MROH1: variants seen among roughly 807,000 people sequenced by gnomAD.
MROH1 encodes maestro heat like repeat family member 1.
A neutral mutation model predicts 116.5 loss-of-function variants in MROH1; 117 were observed. The ratio of observed to expected loss-of-function variants is 1.00; its 90% CI spans 0.86 to 1.17. MROH1 has a LOEUF of 1.17. Ranked by LOEUF, MROH1 falls within the 50% of genes most tolerant of loss-of-function variation. The pLI, the probability that MROH1 is intolerant of heterozygous loss-of-function variation, is 0.00. For missense variants in MROH1, 1,873 were observed against 1,338.5 expected (o/e 1.40, Z -6.23); for synonymous variants, 921 against 583.9 (o/e 1.58, Z -8.32).
chr8:144,243,700 G>C, intron 25 of MROH1, 84 bp downstream of exon 25: 1 of 770,592 alleles, frequency 1.3e-6, no homozygotes, highest in Non-Finnish European at 2.4e-6. Context: ...CACTGAGGGT[G>C]ATAATGTGAA....
intron 14 of MROH1, among the ~76,000 whole-genome samples, chr8:144,232,258 G>A (rs181101864): frequency 8.0e-4 from 121 of 152,156 alleles, no homozygotes; most frequent in Middle Eastern, 6.8e-3. Context: ...TCCATGAGAG[G>A]CACTGTTTTT....
At chr8:144,237,803 G>A (rs1274243942) in intron 14 of MROH1, among the ~76,000 whole-genome samples, 11 of 152,224 alleles carry the variant, frequency 7.2e-5, no homozygotes, top group African/African-American at 4.8e-5. Flanking sequence ...TCCCTGTTGC[G>A]GTACTTTTGG....
Position 144,182,912 on chromosome 8 carries a change from A to C in MROH1, c.562+2389A>C, listed in dbSNP as rs532711135. On this transcript the variant is annotated intron_variant, in intron 7 of 43. Coordinates refer to ENST00000326134, the MANE Select transcript of MROH1 (RefSeq NM_032450.3). This position sits in a 1 kb window ranked among gnomAD's most constrained non-coding sequence, Gnocchi z 4.1. ...GCCAACATGGCAAAACCCCGTCTCT[A>C]CTAAAAATACAAAAAAATTAGCCGG... Among the ~76,000 whole-genome samples, 12 of 152,316 alleles carry C rather than the reference A, an allele frequency of 7.9e-5. 2 individuals are homozygous for C. The highest frequency in any genetic ancestry group is 2.9e-4 in the African/African-American group (12 of 41,584).
At chr8:144,205,124 A>T (rs1276442173) in intron 12 of MROH1, among the ~76,000 whole-genome samples, 1 of 152,192 alleles carries the variant, frequency 6.6e-6, no homozygotes, top group African/African-American at 2.4e-5. Context: ...TCCTGGGCTC[A>T]AGCAATCCTC....
rs78309270 is a variant in MROH1, at chr8:144,161,949, C to G, written c.-57+860C>G. Among the ~76,000 whole-genome samples, 86 of 152,308 alleles carry G rather than the reference C, an allele frequency of 5.6e-4. 1 individual carries two copies. Among genetic ancestry groups the G allele is most frequent in the East Asian group, 2.3e-3 (12 of 5,188 alleles). On this transcript the variant is annotated intron_variant, in intron 2 of 43. Transcript: ENST00000326134. ...TTGTGATGCTCCACGTCAGGCGTGC[C>G]CTTGTCTCTGGGAAGTATGTGCTGT...
At chr8:144,259,890 T>C (rs1350553737) in intron 37 of MROH1, 21 bp from the exon 38 acceptor site, 18 of 727,656 alleles carry the variant, frequency 2.5e-5, no homozygotes, top group Non-Finnish European at 3.8e-5. Flanking sequence ...GAGAGGGAAG[T>C]CACAGCACCT....
Position 144,180,375 on chromosome 8 carries a change from G to A in MROH1, c.463+35G>A, listed in dbSNP as rs6981035. ...GCGCGGCCTGCCCCAGGAGGAGCAC[G>A]GGGCGCTGGAAGCCTTGGCGGAGGC... On this transcript the variant is annotated intron_variant, in intron 6 of 43. Transcript: ENST00000326134. The surrounding 1 kb of genome is among the most constrained non-coding windows in gnomAD (Gnocchi z 7.4). 75 of 1,609,152 alleles carry A rather than the reference G, an allele frequency of 4.7e-5. No individual in the cohort carries two copies. Among genetic ancestry groups the A allele is most frequent in the African/African-American group, 4.0e-4 (30 of 74,946 alleles).
chr8:144,195,218 A>AAAAAAAAAAAAAAAAAAC (rs1829571783), intron 10 of MROH1, among the ~76,000 whole-genome samples: 1 of 141,976 alleles, frequency 7.0e-6, no homozygotes, highest in Admixed American at 7.2e-5. Flanking sequence ...AAAAAAAAAA[A>AAAAAAAAAAAAAAAAAAC]AGGCCGAGTG....
intron 3 of MROH1, among the ~76,000 whole-genome samples, chr8:144,168,021 A>T (rs1267212729): frequency 6.6e-6 from 1 of 152,104 alleles, no homozygotes; most frequent in Non-Finnish European, 1.5e-5. Context: ...CTCAACCCTG[A>T]TGGGCTAAAT....
At chr8:144,184,039 C>T (rs571299523) in intron 7 of MROH1, among the ~76,000 whole-genome samples, 1 of 152,286 alleles carries the variant, frequency 6.6e-6, no homozygotes, top group Admixed American at 6.5e-5. Context: ...GAGGAACCTT[C>T]CACTGTGCAC....
At chr8:144,215,008 G>A (rs1032828362) in intron 12 of MROH1, among the ~76,000 whole-genome samples, 11 of 152,080 alleles carry the variant, frequency 7.2e-5, no homozygotes, top group African/African-American at 2.4e-4. Context: ...TCTTCTTCCC[G>A]CATTTATTCT....
intron 9 of MROH1, 123 bp from the exon 10 acceptor site, chr8:144,192,185 AG>A: frequency 3.8e-6 from 3 of 798,726 alleles, no homozygotes; most frequent in Non-Finnish European, 5.8e-6. Context: ...TTGAGCCCCA[AG>A]GTGGGGCCCA....
intron 12 of MROH1, among the ~76,000 whole-genome samples, chr8:144,210,895 ACATTCT>A (rs536695400): frequency 1.3e-3 from 202 of 152,262 alleles, no homozygotes; most frequent in African/African-American, 4.2e-3. Flanking sequence ...AGTGTTAAGT[ACATTCT>A]CATTGTCAGG....
At chr8:144,204,139 C>T (rs1832321953) in intron 12 of MROH1, among the ~76,000 whole-genome samples, 1 of 152,182 alleles carries the variant, frequency 6.6e-6, no homozygotes, top group African/African-American at 2.4e-5. Context: ...GAGACAGGGT[C>T]TCGTTCTTTC....
intron 2 of MROH1, among the ~76,000 whole-genome samples, chr8:144,162,031 A>T (rs1344080506): frequency 2.6e-5 from 4 of 151,356 alleles, no homozygotes; most frequent in Admixed American, 1.3e-4. Context: ...TTCAGCTCTT[A>T]ACTCTTCCAC....
intron 33 of MROH1, chr8:144,250,630 T>C: frequency 1.8e-6 from 1 of 554,134 alleles, no homozygotes. Flanking sequence ...AGCTGCTGTT[T>C]CTGCCTTCCT....
At chr8:144,160,141 G>T (rs1227170800) in intron 1 of MROH1, among the ~76,000 whole-genome samples, 1 of 152,200 alleles carries the variant, frequency 6.6e-6, no homozygotes, top group Non-Finnish European at 1.5e-5. Context: ...TTGTGTTTCT[G>T]TTAGTATTCA....
In MROH1 at chr8:144,223,347, G is replaced by A. The variant is rs937981529; in HGVS notation, c.1338+117G>A. ...GGTGGATATGTGGGCTGCAGTCTGC[G>A]TGCGGAGGTGCCCTCTGCTGTCTTT... is the stretch of plus-strand genomic sequence containing the variant. On this transcript the variant is annotated intron_variant, in intron 14 of 43. Transcript: ENST00000326134. The A allele has an allele frequency of 2.9e-5, 38 of 1,309,298 alleles. 1 individual carries two copies. The highest frequency in any genetic ancestry group is 2.6e-4 in the Middle Eastern group (1 of 3,776). The allele number at this position is 1,309,298 out of a possible 1,614,324, so 81.1% of individuals were successfully genotyped here. A position where few individuals can be genotyped will look rare whatever the true frequency, so the allele number is the denominator to read the frequency against.
At chr8:144,167,631 C>T (rs909363944) in intron 3 of MROH1, among the ~76,000 whole-genome samples, 31 of 152,144 alleles carry the variant, frequency 2.0e-4, no homozygotes, top group Admixed American at 2.0e-3. Context: ...CCCTGGGATG[C>T]TTGGCCTGCC....
Sources: allele counts gnomAD v4.1 joint callset (sites outside exome capture counted in the v4.1 genomes callset), GRCh38; gene constraint gnomAD v4.1.1; non-coding constraint Gnocchi (gnomAD v3.1); transcripts MANE v1.5; gene names NCBI Gene and HGNC (gene_info 2026-07-23, HGNC 2026-07-21).